SGPP1: variants seen among roughly 807,000 people sequenced by gnomAD.
The protein encoded by SGPP1 is sphingosine-1-phosphate phosphatase 1, also known as hSPP1.
In SGPP1, 21 loss-of-function variants were observed where a neutral mutation model predicts 33.0. The ratio of observed to expected loss-of-function variants is 0.64; its 90% CI spans 0.45 to 0.92. The LOEUF (loss-of-function observed/expected upper bound fraction) is 0.92. SGPP1 is among the 40% of genes least tolerant of loss of function. The probability of loss-of-function intolerance (pLI) is 0.00; values close to 1 mark genes in which losing one functional copy is unlikely to be tolerated. For missense variants in SGPP1, 543 were observed against 589.4 expected (o/e 0.92, Z 0.81); for synonymous variants, 239 against 241.2 (o/e 0.99, Z 0.08).
intron 1 of SGPP1, among the ~76,000 whole-genome samples, chr14:63,722,818 A>G (rs1440444048): frequency 6.6e-6 from 1 of 151,698 alleles, no homozygotes; most frequent in Admixed American, 6.6e-5. Context: ...ACAAACAAAC[A>G]AACAAAATTA....
intron 1 of SGPP1, among the ~76,000 whole-genome samples, chr14:63,724,278 C>A (rs973998536): frequency 2.6e-5 from 4 of 151,872 alleles, no homozygotes; most frequent in African/African-American, 4.8e-5. Context: ...TCAATGAGGG[C>A]AGAAACATTA....
At chr14:63,689,075 G>A (rs1885042823) in intron 2 of SGPP1, among the ~76,000 whole-genome samples, 1 of 152,036 alleles carries the variant, frequency 6.6e-6, no homozygotes, top group Non-Finnish European at 1.5e-5. Context: ...GTTGCTTGAT[G>A]TTTCTGTCTT....
At chr14:63,708,127 T>C (rs1206224143) in intron 1 of SGPP1, among the ~76,000 whole-genome samples, 1 of 152,138 alleles carries the variant, frequency 6.6e-6, no homozygotes, top group Non-Finnish European at 1.5e-5. Flanking sequence ...GCAATCTAAC[T>C]GACCTTTCTC....
chr14:63,726,021 T>C (rs1885870273), intron 1 of SGPP1, among the ~76,000 whole-genome samples: 1 of 152,192 alleles, frequency 6.6e-6, no homozygotes, highest in African/African-American at 2.4e-5. Context: ...CTCCTTTGGT[T>C]AAACAGAAAA....
chr14:63,726,208 A>G (rs1244057131), intron 1 of SGPP1, among the ~76,000 whole-genome samples: 1 of 152,192 alleles, frequency 6.6e-6, no homozygotes, highest in Non-Finnish European at 1.5e-5. Flanking sequence ...TTTTACACAG[A>G]ATGTGTATTT....
intron 1 of SGPP1, 30 bp downstream of exon 1, chr14:63,727,231 C>T: frequency 1.9e-6 from 3 of 1,572,588 alleles, no homozygotes; most frequent in Middle Eastern, 1.7e-4. Context: ...TGAACTCCCC[C>T]AGGCTGAACA....
At chr14:63,725,452 A>G (rs1454124414) in intron 1 of SGPP1, among the ~76,000 whole-genome samples, 2 of 152,234 alleles carry the variant, frequency 1.3e-5, no homozygotes, top group African/African-American at 4.8e-5. Context: ...AATTTAAAGC[A>G]TTACAAGATT....
intron 1 of SGPP1, among the ~76,000 whole-genome samples, chr14:63,716,529 A>T (rs536675228): frequency 1.1e-4 from 16 of 151,940 alleles, no homozygotes; most frequent in Admixed American, 3.9e-4. Context: ...ATATAAAATT[A>T]AAAAATTTAA....
At chr14:63,720,319 GGAAAGA>G (rs1885744227) in intron 1 of SGPP1, among the ~76,000 whole-genome samples, 1 of 150,368 alleles carries the variant, frequency 6.7e-6, no homozygotes, top group Non-Finnish European at 1.5e-5. Flanking sequence ...AGGATGGGAA[GGAAAGA>G]GAAAAAGGAA....
At chr14:63,706,351 G>C (rs925057135) in intron 1 of SGPP1, among the ~76,000 whole-genome samples, 3 of 152,098 alleles carry the variant, frequency 2.0e-5, no homozygotes, top group African/African-American at 7.2e-5. Context: ...GAACTAGATA[G>C]AAACAACGGT....
At chr14:63,715,692 T>G (rs550321984) in intron 1 of SGPP1, among the ~76,000 whole-genome samples, 1 of 152,092 alleles carries the variant, frequency 6.6e-6, no homozygotes, top group Non-Finnish European at 1.5e-5. Context: ...AGGCTGTAAT[T>G]TGCAGGACAG....
chr14:63,718,284 A>G (rs1314221593), intron 1 of SGPP1, among the ~76,000 whole-genome samples: 1 of 152,036 alleles, frequency 6.6e-6, no homozygotes. Context: ...GAAAAAACAA[A>G]ACTATCAACC....
At chr14:63,715,859 A>T (rs1440227997) in intron 1 of SGPP1, among the ~76,000 whole-genome samples, 1 of 152,190 alleles carries the variant, frequency 6.6e-6, no homozygotes, top group East Asian at 1.9e-4. Context: ...AACAATTCCC[A>T]AAGCTCATAT....
chr14:63,701,551 T>A (rs1273469970), intron 1 of SGPP1, among the ~76,000 whole-genome samples: 2 of 152,030 alleles, frequency 1.3e-5, no homozygotes, highest in Non-Finnish European at 2.9e-5. Context: ...GGCAGGCGAA[T>A]CAGTGAGCAA....
At chr14:63,690,414 C>A (rs1885068860) in intron 2 of SGPP1, among the ~76,000 whole-genome samples, 1 of 152,124 alleles carries the variant, frequency 6.6e-6, no homozygotes, top group East Asian at 1.9e-4. Context: ...GTGCTTGAAG[C>A]CATTGTTCTA....
At chr14:63,698,045 C>A (rs35726399) in intron 2 of SGPP1, among the ~76,000 whole-genome samples, 518 of 152,250 alleles carry the variant, frequency 3.4e-3, no homozygotes, top group Middle Eastern at 6.8e-3. Context: ...AGTACAGGGT[C>A]CCTGTGCTGC....
At chr14:63,727,124 G>A (rs1037229252) in intron 1 of SGPP1, 137 bp downstream of exon 1, 3 of 1,378,510 alleles carry the variant, frequency 2.2e-6, no homozygotes, top group African/African-American at 1.5e-5. Context: ...GAAAGGGCCT[G>A]TTTGCGAGTA....
chr14:63,690,325 G>A (rs537580442), intron 2 of SGPP1, among the ~76,000 whole-genome samples: 1 of 152,350 alleles, frequency 6.6e-6, no homozygotes, highest in South Asian at 2.1e-4. Flanking sequence ...TTACAGCTGT[G>A]AGCCACTGTG....
At chr14:63,707,694 T>C (rs553989045) in intron 1 of SGPP1, among the ~76,000 whole-genome samples, 2 of 152,190 alleles carry the variant, frequency 1.3e-5, no homozygotes, top group Admixed American at 1.3e-4. Context: ...GATCCACCTA[T>C]CTCGGCCTCC....
Sources: gnomAD v4.1 joint callset for allele counts (sites outside exome capture counted in the v4.1 genomes callset) on GRCh38, gnomAD v4.1.1 for gene constraint, MANE v1.5 for transcripts, NCBI Gene and HGNC (gene_info 2026-07-23, HGNC 2026-07-21) for gene names.